Variants in RBMS1 observed in about 807,000 individuals in gnomAD.
RBMS1 encodes the protein RNA binding motif single stranded interacting protein 1.
In RBMS1, 17 loss-of-function variants were observed where a neutral mutation model predicts 62.3. The observed-to-expected ratio is 0.27, with a 90% CI of 0.19 to 0.41. The LOEUF (loss-of-function observed/expected upper bound fraction) is 0.41, where lower values mean the gene tolerates loss of function less well. RBMS1 is among the 10% of genes least tolerant of loss of function. The pLI is 1.00. For missense variants in RBMS1, 334 were observed against 504.5 expected (o/e 0.66, Z 3.24); for synonymous variants, 172 against 170.0 (o/e 1.01, Z -0.09).
intron 3 of RBMS1, among the ~76,000 whole-genome samples, chr2:160,314,675 C>T (rs1210167429): frequency 6.6e-6 from 1 of 152,062 alleles, no homozygotes; most frequent in African/African-American, 2.4e-5. Context: ...AAAGCTGAAA[C>T]AAGAAGCGGC....
chr2:160,352,125 G>A (rs919926295), intron 2 of RBMS1, among the ~76,000 whole-genome samples: 2 of 152,096 alleles, frequency 1.3e-5, no homozygotes, highest in Non-Finnish European at 2.9e-5. Context: ...ACAACATTAC[G>A]AAATTGAGTA....
At chr2:160,311,587 T>A (rs1176787753) in intron 4 of RBMS1, among the ~76,000 whole-genome samples, 1 of 152,000 alleles carries the variant, frequency 6.6e-6, no homozygotes, top group Non-Finnish European at 1.5e-5. Flanking sequence ...GAAGACAGTA[T>A]AAAATTACTT....
intron 1 of RBMS1, among the ~76,000 whole-genome samples, chr2:160,454,392 T>C (rs1684124752): frequency 6.6e-6 from 1 of 152,168 alleles, no homozygotes; most frequent in African/African-American, 2.4e-5. Context: ...CACAAATAAA[T>C]GCATAGTTAT....
intron 7 of RBMS1, among the ~76,000 whole-genome samples, chr2:160,285,696 A>G (rs905951054): frequency 4.0e-5 from 6 of 151,868 alleles, no homozygotes; most frequent in African/African-American, 1.4e-4. Context: ...TGATAAATGT[A>G]CTATTTATAT....
intron 1 of RBMS1, among the ~76,000 whole-genome samples, chr2:160,427,034 T>C (rs1682663113): frequency 6.6e-6 from 1 of 152,210 alleles, no homozygotes; most frequent in Non-Finnish European, 1.5e-5. Flanking sequence ...TAATTCTGCC[T>C]TAACGTGTTA....
At position 160,493,410 on chromosome 2, in the gene RBMS1, T is replaced by A; in HGVS notation, c.-47A>T. 10 of 1,585,990 alleles carry A rather than the reference T, an allele frequency of 6.3e-6. No homozygotes were observed. The highest frequency in any genetic ancestry group is 8.7e-6 in the Non-Finnish European group (10 of 1,155,894). On this transcript the variant is annotated 5_prime_UTR_variant, in exon 1 of 14. Coordinates refer to ENST00000348849, the MANE Select transcript of RBMS1 (RefSeq NM_016836.4). Reference sequence around the variant, plus strand: ...GTGCAGGGTCGCGGACACTTTGGGGTTTCCAAGTCTCGGGCTCTCCTGCCT... The same window carrying A: ...GTGCAGGGTCGCGGACACTTTGGGGATTCCAAGTCTCGGGCTCTCCTGCCT...
intron 1 of RBMS1, among the ~76,000 whole-genome samples, chr2:160,397,055 A>G (rs1246319031): frequency 6.6e-6 from 1 of 152,010 alleles, no homozygotes; most frequent in Non-Finnish European, 1.5e-5. Flanking sequence ...CATCTTACCA[A>G]TGTCAAACCC....
intron 1 of RBMS1, among the ~76,000 whole-genome samples, chr2:160,407,209 G>A (rs1430182576): frequency 2.0e-5 from 3 of 152,152 alleles, no homozygotes; most frequent in Non-Finnish European, 4.4e-5. Context: ...GGCCCGGCGC[G>A]CTTCTGCCCT....
chr2:160,393,319 T>C (rs1359487969), intron 1 of RBMS1, among the ~76,000 whole-genome samples: 1 of 152,206 alleles, frequency 6.6e-6, no homozygotes, highest in East Asian at 1.9e-4. Context: ...ATTTCTAACT[T>C]ATATAGTTAT....
At chr2:160,427,164 G>GGAT (rs1333061062) in intron 1 of RBMS1, among the ~76,000 whole-genome samples, 2 of 152,108 alleles carry the variant, frequency 1.3e-5, no homozygotes, top group Admixed American at 6.6e-5. Flanking sequence ...TCCATCTAAG[G>GGAT]GATGATTCCA....
chr2:160,460,515 G>A (rs570585945), intron 1 of RBMS1, among the ~76,000 whole-genome samples: 30 of 152,360 alleles, frequency 2.0e-4, no homozygotes, highest in Admixed American at 3.3e-4. Flanking sequence ...CCACAGGTCA[G>A]TGGGGTGTGA....
At chr2:160,314,513 C>T (rs372958020) in intron 3 of RBMS1, among the ~76,000 whole-genome samples, 1 of 152,182 alleles carries the variant, frequency 6.6e-6, no homozygotes, top group East Asian at 1.9e-4. Flanking sequence ...ACAAAATCAA[C>T]ATCAATAAAG....
intron 2 of RBMS1, among the ~76,000 whole-genome samples, chr2:160,325,509 C>T (rs1260108385): frequency 2.0e-5 from 3 of 152,200 alleles, no homozygotes; most frequent in Non-Finnish European, 4.4e-5. Flanking sequence ...ATACAATACA[C>T]GTCCTCACAC....
chr2:160,375,161 C>CA (rs1559466525), intron 1 of RBMS1, among the ~76,000 whole-genome samples: 1 of 152,156 alleles, frequency 6.6e-6, no homozygotes, highest in South Asian at 2.1e-4. Flanking sequence ...CATATCAAGA[C>CA]AGAGCCCAGT....
At chr2:160,422,658 C>T (rs747550366) in intron 1 of RBMS1, among the ~76,000 whole-genome samples, 1 of 145,864 alleles carries the variant, frequency 6.9e-6, no homozygotes, top group African/African-American at 2.5e-5. Flanking sequence ...ATTTAATTTA[C>T]TTAACAAACC....
chr2:160,475,943 G>GCCCCCCGAGCTCTGTCAATCCT (rs1685108996), intron 1 of RBMS1, among the ~76,000 whole-genome samples: 1 of 148,508 alleles, frequency 6.7e-6, no homozygotes, highest in Non-Finnish European at 1.5e-5. Context: ...TGCAACCTTC[G>GCCCCCCGAGCTCTGTCAATCCT]CCCCCCGAGC....
intron 1 of RBMS1, among the ~76,000 whole-genome samples, chr2:160,389,408 A>G (rs531571379): frequency 4.6e-5 from 7 of 152,272 alleles, no homozygotes; most frequent in African/African-American, 1.7e-4. Context: ...TTAAAAAACA[A>G]CTCAGCAGGA....
intron 2 of RBMS1, among the ~76,000 whole-genome samples, chr2:160,360,231 A>T (rs904783056): frequency 6.6e-6 from 1 of 152,166 alleles, no homozygotes; most frequent in Non-Finnish European, 1.5e-5. Context: ...TGGGACTAAG[A>T]GAGAACCACT....
chr2:160,425,564 G>A (rs13417065), intron 1 of RBMS1, among the ~76,000 whole-genome samples: 210 of 152,254 alleles, frequency 1.4e-3, no homozygotes, highest in Admixed American at 5.2e-3. Context: ...ATGAGGTAGA[G>A]GAATCATCAC....
Sources: gnomAD v4.1 joint callset for allele counts (sites outside exome capture counted in the v4.1 genomes callset) on GRCh38, gnomAD v4.1.1 for gene constraint, MANE v1.5 for transcripts, NCBI Gene and HGNC (gene_info 2026-07-23, HGNC 2026-07-21) for gene names.